Variants in EEF1AKMT4 observed in about 807,000 individuals in gnomAD.
The protein encoded by EEF1AKMT4 is eukaryotic translation elongation factor 1 alpha lysine specific methyltransferase 4.
A neutral mutation model predicts 23.0 loss-of-function variants in EEF1AKMT4; 17 were observed. The observed-to-expected ratio is 0.74, with a 90% CI of 0.51 to 1.11. The LOEUF (loss-of-function observed/expected upper bound fraction) is 1.11, where lower values mean the gene tolerates loss of function less well. Among genes scored for constraint, EEF1AKMT4 ranks in the 50% least tolerant of loss-of-function variants. The probability of loss-of-function intolerance (pLI) is 0.00; values close to 1 mark genes in which losing one functional copy is unlikely to be tolerated. For synonymous variants in EEF1AKMT4, 140 were observed against 141.4 expected, an observed-to-expected ratio of 0.99 and a Z score of 0.07; for missense variants, 318 against 333.4, an observed-to-expected ratio of 0.95 and a Z score of 0.36.
At chr3:184,252,845 A>T (rs1719620578) in intron 1 of EEF1AKMT4, among the ~76,000 whole-genome samples, 1 of 148,586 alleles carries the variant, frequency 6.7e-6, no homozygotes, top group African/African-American at 2.5e-5. Flanking sequence ...CCAGAGGCTG[A>T]GGCAAGAGAA....
intron 1 of EEF1AKMT4, among the ~76,000 whole-genome samples, chr3:184,253,728 G>A (rs1186633061): frequency 6.6e-6 from 1 of 150,958 alleles, no homozygotes; most frequent in Admixed American, 6.6e-5. Context: ...GGAGTGCAGT[G>A]GTGCAATCTC....
At chr3:184,255,084 G>T (rs753141508) in intron 1 of EEF1AKMT4, among the ~76,000 whole-genome samples, 16 of 152,160 alleles carry the variant, frequency 1.1e-4, no homozygotes, top group Non-Finnish European at 1.0e-4. Context: ...AGTTATCTTG[G>T]AAGATGCCAT....
At chr3:184,250,854 C>G (rs930721723) in intron 1 of EEF1AKMT4, among the ~76,000 whole-genome samples, 7 of 150,752 alleles carry the variant, frequency 4.6e-5, no homozygotes, top group Admixed American at 1.3e-4. Flanking sequence ...GAGGCCAAGG[C>G]GGGCGGATCA....
At chr3:184,254,451 TC>T (rs1719700497) in intron 1 of EEF1AKMT4, among the ~76,000 whole-genome samples, 1 of 149,822 alleles carries the variant, frequency 6.7e-6, no homozygotes, top group Non-Finnish European at 1.5e-5. Context: ...ATGCCTGTAA[TC>T]CCAGCACTTC....
intron 1 of EEF1AKMT4, among the ~76,000 whole-genome samples, chr3:184,250,146 C>T (rs943761458): frequency 1.3e-5 from 2 of 152,206 alleles, no homozygotes; most frequent in African/African-American, 4.8e-5. Flanking sequence ...AGACCCTGTC[C>T]GGACCCTCGG....
chr3:184,256,336 T>C (rs1169436529), intron 1 of EEF1AKMT4, among the ~76,000 whole-genome samples: 3 of 151,330 alleles, frequency 2.0e-5, no homozygotes, highest in Non-Finnish European at 4.4e-5. Flanking sequence ...TCAGCTCCAC[T>C]GTGTGTCCCC....
Position 184,249,851 on chromosome 3 carries a change from G to C in EEF1AKMT4, c.157G>C (p.Glu53Gln). 1 of 1,612,994 alleles carries C rather than the reference G, an allele frequency of 6.2e-7. No homozygotes were observed. The highest frequency in any genetic ancestry group is 1.3e-5 in the African/African-American group (1 of 75,064). Residue 53 changes from glutamate to glutamine, a missense_variant, in exon 1 of 3, where the codon GAG becomes CAG. Coordinates refer to ENST00000324557, the MANE Select transcript of EEF1AKMT4 (RefSeq NM_032331.4). Reference protein sequence around the residue: ...GDFSSFRALLEPELRPEDRIL... With the variant: ...GDFSSFRALLQPELRPEDRIL... ...CTTCTCCTCCTTCCGTGCCCTCCTA[G>C]AGCCGGAGCTGCGGCCCGAGGACCG...
In EEF1AKMT4 at chr3:184,258,660, T is replaced by G. The variant is rs368391276; in HGVS notation, c.*85T>G. On this transcript the variant is annotated 3_prime_UTR_variant, in exon 3 of 3. Transcript: ENST00000324557. ...GAATTCCTGACTTAGGACTTGGGGTTGGGTCCAAGGTGCTTACATCCCAGG... is the reference window on the plus strand; with the variant it reads ...GAATTCCTGACTTAGGACTTGGGGTGGGGTCCAAGGTGCTTACATCCCAGG... The G allele has an allele frequency of 5.3e-6, 8 of 1,509,100 alleles. No homozygotes were observed. Among genetic ancestry groups the G allele is most frequent in the East Asian group, 4.6e-5 (2 of 43,864 alleles). 93.5% of individuals were successfully genotyped at this position (1,509,100 alleles called of 1,614,324 possible). A position where few individuals can be genotyped will look rare whatever the true frequency, so the allele number is the denominator to read the frequency against.
chr3:184,256,272 C>CAGAAAAAAAAAAAAAAAAAAAAAAAA (rs1323118764), intron 1 of EEF1AKMT4, among the ~76,000 whole-genome samples: 1 of 54,206 alleles, frequency 1.8e-5, no homozygotes, highest in Admixed American at 2.2e-4. Flanking sequence ...AACTCCATCT[C>CAGAAAAAAAAAAAAAAAAAAAAAAAA]AAAAAAAAAA....
chr3:184,257,987 T>C (rs569371162), intron 2 of EEF1AKMT4, among the ~76,000 whole-genome samples: 2 of 152,216 alleles, frequency 1.3e-5, no homozygotes, highest in African/African-American at 2.4e-5. Flanking sequence ...TGGGTTGCCA[T>C]AGGGATGAGG....
chr3:184,258,424 TC>T lies in EEF1AKMT4; in HGVS notation c.619del (p.His207IlefsTer91). 1 of 1,613,944 alleles carries T rather than the reference TC, an allele frequency of 6.2e-7. No individual in the cohort carries two copies. Among genetic ancestry groups the T allele is most frequent in the Middle Eastern group, 1.7e-4 (1 of 6,058 alleles). Reference sequence around the variant, plus strand: ...GCTACCTATGGCAGCGGTTTCCACTTCCATCTCTACCTCATGCACAAGGGCG... The same window carrying T: ...GCTACCTATGGCAGCGGTTTCCACTTCATCTCTACCTCATGCACAAGGGCG... ...RHATYGSGFH[F>X]HLYLMHKGGK... is the part of the protein sequence containing the mutation. On this transcript the variant is annotated frameshift_variant, in exon 3 of 3. Transcript: ENST00000324557. LOFTEE classifies it high-confidence loss of function.
intron 1 of EEF1AKMT4, among the ~76,000 whole-genome samples, chr3:184,257,179 C>T (rs1423862688): frequency 7.0e-6 from 1 of 143,214 alleles, no homozygotes; most frequent in Admixed American, 7.3e-5. Context: ...CACTGTACTC[C>T]AGCCTGGGCG....
At chr3:184,250,196 G>A (rs901986467) in intron 1 of EEF1AKMT4, among the ~76,000 whole-genome samples, 4 of 152,214 alleles carry the variant, frequency 2.6e-5, no homozygotes, top group African/African-American at 9.6e-5. Flanking sequence ...TCAGAGGACC[G>A]AGATCAAGTC....
At chr3:184,252,778 AC>A (rs1719618553) in intron 1 of EEF1AKMT4, among the ~76,000 whole-genome samples, 2 of 151,994 alleles carry the variant, frequency 1.3e-5, no homozygotes, top group African/African-American at 4.8e-5. Flanking sequence ...CCCCGTCTCT[AC>A]TAAAAACATA....
chr3:184,257,534 T>C lies in EEF1AKMT4; in HGVS notation c.258T>C (p.Ser86=). The change falls in exon 2 of 3, where the codon AGT becomes AGC. Residue 86 remains serine, a synonymous_variant. Coordinates refer to ENST00000324557, the MANE Select transcript of EEF1AKMT4 (RefSeq NM_032331.4). ...TCGGAGGCTTCCCTAATGTGACCAG[T>C]GTGGACTACTCATCAGTCGTGGTGG... The part of the protein sequence containing the change: ...LFLGGFPNVT[S]VDYSSVVVAA... 1 of 1,614,106 alleles carries C rather than the reference T, an allele frequency of 6.2e-7. No homozygotes were observed. The highest frequency in any genetic ancestry group is 1.1e-5 in the South Asian group (1 of 91,086).
At chr3:184,254,530 C>T (rs1719705677) in intron 1 of EEF1AKMT4, among the ~76,000 whole-genome samples, 1 of 149,710 alleles carries the variant, frequency 6.7e-6, no homozygotes, top group South Asian at 2.1e-4. Flanking sequence ...CGGTGAAACC[C>T]CGTCTCTACT....
At position 184,255,954 on chromosome 3, in the gene EEF1AKMT4, A is replaced by T. The variant is rs141164357; in HGVS notation, c.197-1519A>T. On this transcript the variant is annotated intron_variant, in intron 1 of 2. Coordinates refer to ENST00000324557, the MANE Select transcript of EEF1AKMT4 (RefSeq NM_032331.4). ...TCCTTGAGGGCAGGGACTTTTATTCATGGGCAGAGCCTAATATGTAGTGCT... is the reference window on the plus strand; with the variant it reads ...TCCTTGAGGGCAGGGACTTTTATTCTTGGGCAGAGCCTAATATGTAGTGCT... Among the ~76,000 whole-genome samples, 875 of 152,300 alleles carry T rather than the reference A, an allele frequency of 5.7e-3. 5 individuals are homozygous for T. The highest frequency in any genetic ancestry group is 8.7e-3 in the Non-Finnish European group (590 of 68,008).
chr3:184,257,741 C>T lies in EEF1AKMT4; in HGVS notation c.465C>T (p.Asp155=). 14 of 1,612,588 alleles carry T rather than the reference C, an allele frequency of 8.7e-6. No homozygotes were observed. Among genetic ancestry groups the T allele is most frequent in the Non-Finnish European group, 1.2e-5 (14 of 1,179,170 alleles). The part of the protein sequence containing the change: ...TVSSEGVHTV[D]QVLSEVSRVL... ...CCTCTGAAGGTGTCCACACTGTGGA[C>T]CAGGTGTTGAGTGAGGTGAGGGAGC... The change falls in exon 2 of 3, where the codon GAC becomes GAT. Residue 155 remains aspartate, a synonymous_variant. Transcript: ENST00000324557.
At chr3:184,255,351 C>G (rs1244719044) in intron 1 of EEF1AKMT4, among the ~76,000 whole-genome samples, 1 of 152,160 alleles carries the variant, frequency 6.6e-6, no homozygotes, top group East Asian at 1.9e-4. Context: ...TTTCCTTGAG[C>G]CCCAGGGCTT....
Sources: allele counts gnomAD v4.1 joint callset (sites outside exome capture counted in the v4.1 genomes callset), GRCh38; gene constraint gnomAD v4.1.1; transcripts MANE v1.5; gene names NCBI Gene and HGNC (gene_info 2026-07-23, HGNC 2026-07-21).